PCDHA7: variants seen among roughly 807,000 people sequenced by gnomAD.
PCDHA7 encodes protocadherin alpha-7.
Under a neutral mutation model 57.2 loss-of-function variants are expected in PCDHA7, and 37 were observed. The observed-to-expected ratio is 0.65, with a 90% confidence interval of 0.50 to 0.85. The LOEUF (loss-of-function observed/expected upper bound fraction) is 0.85. Among genes scored for constraint, PCDHA7 ranks in the 40% least tolerant of loss-of-function variants. The probability of loss-of-function intolerance (pLI) is 0.00; values close to 1 mark genes in which losing one functional copy is unlikely to be tolerated. For missense variants in PCDHA7, 1,188 were observed against 1,241.8 expected, an observed-to-expected ratio of 0.96 and a Z score of 0.65; for synonymous variants, 553 against 558.8, an observed-to-expected ratio of 0.99 and a Z score of 0.15.
At chr5:140,903,770 C>T (rs1583503336) in intron 1 of PCDHA7, among the ~76,000 whole-genome samples, 1 of 152,136 alleles carries the variant, frequency 6.6e-6, no homozygotes, top group Non-Finnish European at 1.5e-5. Flanking sequence ...CTGAACTTTT[C>T]TATCCATAAA....
At position 140,954,715 on chromosome 5, in the gene PCDHA7, G is replaced by A. The variant is rs189929573; in HGVS notation, c.2356-24234G>A. Among the ~76,000 whole-genome samples, 246 of 152,208 alleles carry A rather than the reference G, an allele frequency of 1.6e-3. 8 individuals carry two copies. Among genetic ancestry groups the A allele is most frequent in the Middle Eastern group, 3.4e-3 (1 of 294 alleles). ...GACTACAAAATTTTTCTCCCATTCT[G>A]TAGGTTGTCTTTTCACTCTGATGAT... On this transcript the variant is annotated intron_variant, in intron 1 of 3. Coordinates refer to ENST00000525929, the MANE Select transcript of PCDHA7 (RefSeq NM_018910.3).
At chr5:140,991,505 G>T (rs2097456335) in intron 3 of PCDHA7, among the ~76,000 whole-genome samples, 1 of 152,180 alleles carries the variant, frequency 6.6e-6, no homozygotes, top group Admixed American at 6.5e-5. Context: ...AGTTTCACTG[G>T]CTAAAATCAA....
rs546551059 is a variant in PCDHA7, at chr5:140,918,074, G to A, written c.2356-60875G>A. Among the ~76,000 whole-genome samples, 10 of 152,214 alleles carry A rather than the reference G, an allele frequency of 6.6e-5. No individual in the cohort carries two copies. The East Asian group carries it at 1.9e-3, about 29-fold the overall frequency. On this transcript the variant is annotated intron_variant, in intron 1 of 3. Transcript: ENST00000525929. ...TTATCATCTCTGATTTCTTTCAGTA[G>A]TGTTTTATAATTCTTTTTATAGAGA...
rs782017107 is a variant in PCDHA7 at position 140,968,690 on chromosome 5, A to G, written c.2356-10259A>G. ...TAAGGTAGAGCTGCACACAGGAGAAATTAGGACTACCAGGAAGATGGGAGA... is the reference window on the plus strand; with the variant it reads ...TAAGGTAGAGCTGCACACAGGAGAAGTTAGGACTACCAGGAAGATGGGAGA... On this transcript the variant is annotated intron_variant, in intron 1 of 3. Transcript: ENST00000525929. 60 of 1,614,030 alleles carry G rather than the reference A, an allele frequency of 3.7e-5. No individual in the cohort carries two copies. The highest frequency in any genetic ancestry group is 4.8e-5 in the Non-Finnish European group (57 of 1,180,040).
chr5:140,876,231 A>C (rs1428769390), intron 1 of PCDHA7: 4 of 1,614,004 alleles, frequency 2.5e-6, no homozygotes, highest in Non-Finnish European at 3.4e-6. Flanking sequence ...TGTTGTCTGA[A>C]AATGTCCAAA....
chr5:140,938,734 AT>A (rs1207782725), intron 1 of PCDHA7, among the ~76,000 whole-genome samples: 1 of 152,136 alleles, frequency 6.6e-6, no homozygotes, highest in Admixed American at 6.5e-5. Flanking sequence ...ACAGAAAAAA[AT>A]AATTATTTTT....
At position 140,858,127 on chromosome 5, in the gene PCDHA7, T is replaced by C. The variant is rs782220285; in HGVS notation, c.2355+21389T>C. 41 of 1,597,502 alleles carry C rather than the reference T, an allele frequency of 2.6e-5. 1 individual carries two copies. The highest frequency in any genetic ancestry group is 1.7e-4 in the Admixed American group (10 of 59,294). ...TGGCGCCCGAGGTGGCCCTGGTGGATGTCAACGTGTACCTGATCATCGCCA... is the reference window on the plus strand; with the variant it reads ...TGGCGCCCGAGGTGGCCCTGGTGGACGTCAACGTGTACCTGATCATCGCCA... On this transcript the variant is annotated intron_variant, in intron 1 of 3. Coordinates refer to ENST00000525929, the MANE Select transcript of PCDHA7 (RefSeq NM_018910.3).
At chr5:140,878,110 AC>A (rs1554170303) in intron 1 of PCDHA7, 1 of 249,146 alleles carries the variant, frequency 4.0e-6, no homozygotes, top group African/African-American at 2.3e-5. Context: ...CTTGAAAAAA[AC>A]AGTATATTAG....
In PCDHA7 at chr5:141,010,461, G is replaced by A; in HGVS notation, c.*524G>A. The A allele has an allele frequency of 1.2e-6, 1 of 823,014 alleles. No homozygotes were observed. The highest frequency in any genetic ancestry group is 1.8e-6 in the Non-Finnish European group (1 of 553,022). The allele number at this position is 823,014 out of a possible 1,614,324, so 51.0% of individuals were successfully genotyped here. A position where few individuals can be genotyped will look rare whatever the true frequency, so the allele number is the denominator to read the frequency against. On this transcript the variant is annotated 3_prime_UTR_variant, in exon 4 of 4. Transcript: ENST00000525929. ...GACAAATAAACAGCGGAAGTTATCA[G>A]TATGGAGGGGAAGTGTAAACTTAAA...
At chr5:140,868,805 C>T (rs1316864299) in intron 1 of PCDHA7, 7 of 356,302 alleles carry the variant, frequency 2.0e-5, no homozygotes, top group African/African-American at 1.4e-4. Context: ...TAAATAAGCA[C>T]GTTGGAAATA....
chr5:140,906,718 G>C (rs1554192673), intron 1 of PCDHA7, among the ~76,000 whole-genome samples: 1 of 152,140 alleles, frequency 6.6e-6, no homozygotes, highest in Admixed American at 6.5e-5. Flanking sequence ...TGCCTGGATT[G>C]TGCTGTTGTA....
intron 1 of PCDHA7, among the ~76,000 whole-genome samples, chr5:140,901,473 A>C (rs1554189862): frequency 1.3e-5 from 2 of 152,012 alleles, no homozygotes. Flanking sequence ...TCTCGAGTTT[A>C]TGTTCTTGGC....
intron 1 of PCDHA7, chr5:140,884,197 G>A (rs146010500): frequency 3.1e-6 from 5 of 1,613,234 alleles, no homozygotes; most frequent in Non-Finnish European, 4.2e-6. Context: ...TGGACGCGCC[G>A]CACCACCGCC....
At chr5:140,851,652 C>T (rs628890) in intron 1 of PCDHA7, 5 of 909,694 alleles carry the variant, frequency 5.5e-6, no homozygotes, top group Middle Eastern at 5.6e-4. Flanking sequence ...TTCAAGAAGA[C>T]ATTCTCCTTT....
chr5:140,842,833 G>C (rs2150345811), intron 1 of PCDHA7: 1 of 1,593,874 alleles, frequency 6.3e-7, no homozygotes, highest in Non-Finnish European at 8.6e-7. Context: ...AGCGCTCGCT[G>C]TCGAGCTACA....
At chr5:140,854,262 A>G in intron 1 of PCDHA7, 1 of 592,128 alleles carries the variant, frequency 1.7e-6, no homozygotes, top group South Asian at 7.2e-5. Flanking sequence ...TAAAATGTAC[A>G]TTAGTAGAAA....
At chr5:140,886,403 AT>A (rs1196342524) in intron 1 of PCDHA7, among the ~76,000 whole-genome samples, 19 of 152,184 alleles carry the variant, frequency 1.2e-4, no homozygotes, top group African/African-American at 4.6e-4. Context: ...CATCACAAAT[AT>A]GTTTTCCTCC....
intron 3 of PCDHA7, among the ~76,000 whole-genome samples, chr5:141,006,117 T>C (rs2098255751): frequency 6.6e-6 from 1 of 152,094 alleles, no homozygotes; most frequent in African/African-American, 2.4e-5. Flanking sequence ...TTTTTTTTTT[T>C]TTCTCAAGGC....
intron 1 of PCDHA7, chr5:140,843,100 G>C: frequency 6.3e-7 from 1 of 1,595,760 alleles, no homozygotes; most frequent in East Asian, 2.2e-5. Flanking sequence ...TGGTAGCGAA[G>C]GTGCGCGCAG....
Sources: allele counts gnomAD v4.1 joint callset (sites outside exome capture counted in the v4.1 genomes callset), GRCh38; gene constraint gnomAD v4.1.1; transcripts MANE v1.5; gene names NCBI Gene and HGNC (gene_info 2026-07-23, HGNC 2026-07-21).